SDCCAG8: variants seen among roughly 807,000 people sequenced by gnomAD.
SDCCAG8 encodes the protein SHH signaling and ciliogenesis regulator SDCCAG8, also known as serologically defined colon cancer antigen 8.
A neutral mutation model predicts 101.8 loss-of-function variants in SDCCAG8; 74 were observed. The ratio of observed to expected loss-of-function variants is 0.73; its 90% CI spans 0.60 to 0.88. The LOEUF is 0.88. Ranked by LOEUF, SDCCAG8 falls within the 40% of genes least tolerant of loss-of-function variation. The probability of loss-of-function intolerance (pLI) is 0.00; values close to 1 mark genes in which losing one functional copy is unlikely to be tolerated. For synonymous variants in SDCCAG8, 281 were observed against 292.9 expected, an observed-to-expected ratio of 0.96 and a Z score of 0.41; for missense variants, 787 against 822.6, an observed-to-expected ratio of 0.96 and a Z score of 0.53.
chr1:243,268,424 C>T (rs979790773), intron 1 of SDCCAG8, among the ~76,000 whole-genome samples: 27 of 152,340 alleles, frequency 1.8e-4, no homozygotes, highest in African/African-American at 6.3e-4. Context: ...CTTATCTGAA[C>T]TTCCTTAAAC....
intron 9 of SDCCAG8, among the ~76,000 whole-genome samples, chr1:243,323,092 G>A (rs1203671992): frequency 1.3e-5 from 2 of 150,718 alleles, no homozygotes; most frequent in Non-Finnish European, 2.9e-5. Context: ...CTGAGATCAC[G>A]CCACTGCACT....
At chr1:243,441,212 T>G (rs1332244989) in intron 16 of SDCCAG8, among the ~76,000 whole-genome samples, 2 of 152,164 alleles carry the variant, frequency 1.3e-5, no homozygotes, top group African/African-American at 2.4e-5. Flanking sequence ...TAAAAGAAAG[T>G]AGGCATCCAT....
At chr1:243,369,656 T>C (rs2077178591) in intron 12 of SDCCAG8, among the ~76,000 whole-genome samples, 1 of 152,088 alleles carries the variant, frequency 6.6e-6, no homozygotes, top group Non-Finnish European at 1.5e-5. Flanking sequence ...ACCTTAAAAG[T>C]AAGAAATGAA....
At chr1:243,445,365 A>G (rs6702982) in intron 16 of SDCCAG8, among the ~76,000 whole-genome samples, 27,947 of 152,144 alleles carry the variant, frequency 0.18, 2,755 homozygotes, top group African/African-American at 0.24. Context: ...CCGTTTTCTG[A>G]CATCAGGTCT....
rs190642741 is a variant in SDCCAG8 at position 243,415,613 on chromosome 1, G to A, written c.1617-89G>A. 6.6e-4 allele frequency: 1,029 copies of A among 1,561,022 alleles called. 4 individuals carry two copies. The African/African-American group carries it at 0.012, about 18-fold the overall frequency. On this transcript the variant is annotated intron_variant, in intron 13 of 17. Coordinates refer to ENST00000366541, the MANE Select transcript of SDCCAG8 (RefSeq NM_006642.5). ...CTTCTTATGCTTAACAATTTACTAC[G>A]TATCAGCTCTCTCTGGTCTATAGGG...
At chr1:243,397,344 T>C (rs750138930) in intron 13 of SDCCAG8, among the ~76,000 whole-genome samples, 1 of 152,196 alleles carries the variant, frequency 6.6e-6, no homozygotes, top group Non-Finnish European at 1.5e-5. Context: ...AGTATAGATA[T>C]TTGAAAGTTG....
intron 12 of SDCCAG8, among the ~76,000 whole-genome samples, chr1:243,363,840 G>A (rs1220028417): frequency 6.6e-6 from 1 of 152,158 alleles, no homozygotes; most frequent in Non-Finnish European, 1.5e-5. Context: ...ATAAATTGAA[G>A]AGATGAGTTT....
chr1:243,344,734 A>C (rs79525300), intron 12 of SDCCAG8, among the ~76,000 whole-genome samples: 43 of 152,338 alleles, frequency 2.8e-4, no homozygotes, highest in Non-Finnish European at 4.6e-4. Flanking sequence ...TGATATGTAA[A>C]TATGTCAATC....
chr1:243,493,502 G>T (rs1365336235), intron 17 of SDCCAG8, among the ~76,000 whole-genome samples: 2 of 152,092 alleles, frequency 1.3e-5, no homozygotes, highest in African/African-American at 4.8e-5. Context: ...AATGAATACG[G>T]TTTTGGCTGA....
At chr1:243,425,983 A>G (rs1410293873) in intron 15 of SDCCAG8, among the ~76,000 whole-genome samples, 1 of 152,218 alleles carries the variant, frequency 6.6e-6, no homozygotes. Flanking sequence ...TGACACATAA[A>G]ATTAACCATT....
At chr1:243,477,018 A>ACACACACACACACG (rs1662563415) in intron 16 of SDCCAG8, among the ~76,000 whole-genome samples, 1 of 143,938 alleles carries the variant, frequency 6.9e-6, no homozygotes, top group Non-Finnish European at 1.5e-5. Context: ...ACACACACAC[A>ACACACACACACACG]CACACACACA....
intron 4 of SDCCAG8, among the ~76,000 whole-genome samples, chr1:243,277,211 T>C (rs948543997): frequency 6.6e-6 from 1 of 152,254 alleles, no homozygotes; most frequent in African/African-American, 2.4e-5. Context: ...ATTTTAACTT[T>C]GCAAGAAATT....
chr1:243,396,271 C>T (rs545016318), intron 13 of SDCCAG8, among the ~76,000 whole-genome samples: 46 of 152,206 alleles, frequency 3.0e-4, no homozygotes, highest in African/African-American at 1.1e-3. Flanking sequence ...CACCTAATTT[C>T]TATGAGTTTA....
At chr1:243,415,087 T>C (rs938723744) in intron 13 of SDCCAG8, among the ~76,000 whole-genome samples, 1 of 152,174 alleles carries the variant, frequency 6.6e-6, no homozygotes, top group Admixed American at 6.5e-5. Flanking sequence ...TTTCTTTCAA[T>C]GTGACCCACG....
intron 13 of SDCCAG8, among the ~76,000 whole-genome samples, chr1:243,383,139 C>T (rs1030412038): frequency 1.3e-5 from 2 of 152,058 alleles, no homozygotes; most frequent in Admixed American, 1.3e-4. Context: ...GAACAGCCAC[C>T]AGCCGATAAG....
rs1347778515 is a variant in SDCCAG8 at position 243,497,552 on chromosome 1, C to T, written c.2113-2204C>T. Among the ~76,000 whole-genome samples the T allele has an allele frequency of 2.0e-5, 3 of 152,070 alleles. No homozygotes were observed. The East Asian group carries it at 5.8e-4, about 29-fold the overall frequency. ...ATGCAGGCCCACGGAATCAGGAGGT[C>T]ACCCGTTTCTGGAACAGCTCCGATA... is the stretch of plus-strand genomic sequence containing the variant. On this transcript the variant is annotated intron_variant, in intron 17 of 17. Coordinates refer to ENST00000366541, the MANE Select transcript of SDCCAG8 (RefSeq NM_006642.5).
chr1:243,286,849 C>T (rs1011798049), intron 5 of SDCCAG8, among the ~76,000 whole-genome samples: 4 of 152,184 alleles, frequency 2.6e-5, no homozygotes, highest in Admixed American at 2.6e-4. Context: ...CTTCCCATTT[C>T]CCTAAGAAGG....
intron 6 of SDCCAG8, among the ~76,000 whole-genome samples, chr1:243,298,335 G>A (rs955756704): frequency 2.9e-5 from 4 of 139,172 alleles, no homozygotes; most frequent in African/African-American, 1.0e-4. Flanking sequence ...ACAGGCATGA[G>A]CCACCGCACC....
chr1:243,299,998 G>A (rs1413864676), intron 6 of SDCCAG8, among the ~76,000 whole-genome samples: 1 of 151,732 alleles, frequency 6.6e-6, no homozygotes, highest in Non-Finnish European at 1.5e-5. Flanking sequence ...CTGAGTAGCT[G>A]GTAATATAGG....
Sources: allele counts gnomAD v4.1 joint callset (sites outside exome capture counted in the v4.1 genomes callset), GRCh38; gene constraint gnomAD v4.1.1; transcripts MANE v1.5; gene names NCBI Gene and HGNC (gene_info 2026-07-23, HGNC 2026-07-21).